The following FAM117B variants were observed in gnomAD, a reference collection of about 807,000 sequenced individuals.
FAM117B encodes family with sequence similarity 117 member B.
In FAM117B, 22 loss-of-function variants were observed where a neutral mutation model predicts 52.8. That is an observed-to-expected ratio of 0.42 (90% CI 0.30 to 0.59). The LOEUF is 0.59. FAM117B is among the 20% of genes least tolerant of loss of function. FAM117B has a pLI of 0.22. For missense variants in FAM117B, 678 were observed against 802.6 expected (o/e 0.84, Z 1.88); for synonymous variants, 309 against 324.1 (o/e 0.95, Z 0.50).
chr2:202,744,341 G>C (rs577322307), intron 4 of FAM117B, among the ~76,000 whole-genome samples: 1 of 152,334 alleles, frequency 6.6e-6, no homozygotes, highest in Admixed American at 6.5e-5. Flanking sequence ...AAGAGAGATA[G>C]AGGCATGGTG....
chr2:202,660,997 G>A (rs888099627), intron 1 of FAM117B, among the ~76,000 whole-genome samples: 4 of 152,180 alleles, frequency 2.6e-5, no homozygotes, highest in African/African-American at 7.2e-5. Flanking sequence ...TAGTCCATTG[G>A]CCACAAAGAA....
At chr2:202,702,470 C>G (rs1195910707) in intron 2 of FAM117B, among the ~76,000 whole-genome samples, 1 of 152,192 alleles carries the variant, frequency 6.6e-6, no homozygotes, top group Non-Finnish European at 1.5e-5. Context: ...CAGCAGCCAT[C>G]ACCCTGATCA....
chr2:202,692,201 G>C (rs1262545004), intron 1 of FAM117B, among the ~76,000 whole-genome samples: 1 of 152,228 alleles, frequency 6.6e-6, no homozygotes, highest in East Asian at 1.9e-4. Flanking sequence ...CCATCTTATA[G>C]AACTAGAATA....
At chr2:202,640,115 C>G (rs574042887) in intron 1 of FAM117B, among the ~76,000 whole-genome samples, 1 of 151,040 alleles carries the variant, frequency 6.6e-6, no homozygotes, top group African/African-American at 2.4e-5. Flanking sequence ...ACTAAAAATA[C>G]AAAAAATTAG....
rs1360538629 is a variant in FAM117B, at chr2:202,691,649, T to TTGTGTGTGTGTGTGTATG, written c.602-4217_602-4216insATGTGTGTGTGTGTGTGT. Among the ~76,000 whole-genome samples, 284 of 126,868 alleles carry TTGTGTGTGTGTGTGTATG rather than the reference T, an allele frequency of 2.2e-3. 2 individuals are homozygous for TTGTGTGTGTGTGTGTATG. The highest frequency in any genetic ancestry group is 3.4e-3 in the Non-Finnish European group (198 of 58,348). The allele number at this position is 126,868 out of a possible 152,430, so 83.2% of individuals were successfully genotyped here. A position where few individuals can be genotyped will look rare whatever the true frequency, so the allele number is the denominator to read the frequency against. ...TATAATGCATATATACCAGTTTACA[T>TTGTGTGTGTGTGTGTATG]TGTGTGTGTGTGTGTGTGTGTGTGT... is the stretch of plus-strand genomic sequence containing the variant. On this transcript the variant is annotated intron_variant, in intron 1 of 7. Coordinates refer to ENST00000392238, the MANE Select transcript of FAM117B (RefSeq NM_173511.4).
At chr2:202,720,764 A>T (rs1691140271) in intron 2 of FAM117B, among the ~76,000 whole-genome samples, 1 of 152,202 alleles carries the variant, frequency 6.6e-6, no homozygotes, top group Admixed American at 6.5e-5. Flanking sequence ...TTAAGTTTTT[A>T]AATGAATTAT....
At chr2:202,696,777 C>G (rs1234896628) in intron 2 of FAM117B, among the ~76,000 whole-genome samples, 1 of 152,220 alleles carries the variant, frequency 6.6e-6, no homozygotes, top group Admixed American at 6.5e-5. Flanking sequence ...CTCAAGAAAT[C>G]ATTCAGGGCC....
intron 1 of FAM117B, among the ~76,000 whole-genome samples, chr2:202,675,831 A>G (rs999401789): frequency 6.6e-6 from 1 of 151,940 alleles, no homozygotes; most frequent in African/African-American, 2.4e-5. Flanking sequence ...CTAAAAATAG[A>G]AGAATTAGCC....
chr2:202,759,909 C>T (rs759258935), intron 7 of FAM117B, among the ~76,000 whole-genome samples: 1 of 151,912 alleles, frequency 6.6e-6, no homozygotes, highest in Non-Finnish European at 1.5e-5. Flanking sequence ...CTGTGTTGTC[C>T]AGGCTGGTCC....
At chr2:202,678,745 A>G (rs563416577) in intron 1 of FAM117B, among the ~76,000 whole-genome samples, 2 of 152,088 alleles carry the variant, frequency 1.3e-5, no homozygotes, top group Non-Finnish European at 2.9e-5. Context: ...TTTAGTAGAG[A>G]CGGGGTTTCT....
intron 4 of FAM117B, among the ~76,000 whole-genome samples, chr2:202,729,484 A>G (rs1195887519): frequency 6.6e-6 from 1 of 152,204 alleles, no homozygotes; most frequent in East Asian, 1.9e-4. Flanking sequence ...CCCATACAAT[A>G]TTTATTAATC....
At chr2:202,699,426 C>CAAAAAAAAAAAAAAAAAAAAAAGA (rs1205403272) in intron 2 of FAM117B, among the ~76,000 whole-genome samples, 1 of 17,912 alleles carries the variant, frequency 5.6e-5, no homozygotes, top group Non-Finnish European at 1.1e-4. Flanking sequence ...GACCCCATCT[C>CAAAAAAAAAAAAAAAAAAAAAAGA]AAAAAAAAAA....
chr2:202,635,355 G>A lies in FAM117B; in HGVS notation c.168G>A (p.Arg56=), dbSNP rs1689661818. Residue 56 remains arginine, a synonymous_variant, in exon 1 of 8, where the codon CGG becomes CGA. Transcript: ENST00000392238. Reference sequence around the variant, plus strand: ...AGCAGCAACATGGCAGCCCCACGCGGAGCGGCGGCGGCGGCGGCGGCAACA... The same window carrying A: ...AGCAGCAACATGGCAGCCCCACGCGAAGCGGCGGCGGCGGCGGCGGCAACA... The part of the protein sequence containing the change: ...QQQQQHGSPT[R]SGGGGGGNNN... 2.9e-6 allele frequency: 4 copies of A among 1,377,104 alleles called. No homozygotes were observed. The highest frequency in any genetic ancestry group is 1.5e-5 in the African/African-American group (1 of 65,530). 85.3% of individuals were successfully genotyped at this position (1,377,104 alleles called of 1,614,324 possible). A position where few individuals can be genotyped will look rare whatever the true frequency, so the allele number is the denominator to read the frequency against.
chr2:202,697,013 G>T (rs1690721382), intron 2 of FAM117B, among the ~76,000 whole-genome samples: 1 of 152,172 alleles, frequency 6.6e-6, no homozygotes, highest in African/African-American at 2.4e-5. Flanking sequence ...AGGCTGCAGT[G>T]AGCAGTGATC....
At chr2:202,763,640 T>C (rs898605983) in intron 7 of FAM117B, among the ~76,000 whole-genome samples, 1 of 152,208 alleles carries the variant, frequency 6.6e-6, no homozygotes, top group Admixed American at 6.5e-5. Flanking sequence ...GTTGTTCTTA[T>C]CAGTAATATA....
Position 202,635,579 on chromosome 2 carries a change from C to T in FAM117B, c.392C>T (p.Pro131Leu). 8.1e-7 allele frequency: 1 copy of T among 1,241,344 alleles called. No homozygotes were observed. Among genetic ancestry groups the T allele is most frequent in the Non-Finnish European group, 1.0e-6 (1 of 998,578 alleles). The allele number at this position is 1,241,344 out of a possible 1,614,324, so 76.9% of individuals were successfully genotyped here. Reference protein sequence around the residue: ...RGTSPTRSAAPGARGSPPRPP... With the variant: ...RGTSPTRSAALGARGSPPRPP... ...ACCAGCCCCACGCGCAGCGCCGCGCCTGGAGCTCGCGGGAGCCCCCCACGG... is the reference window on the plus strand; with the variant it reads ...ACCAGCCCCACGCGCAGCGCCGCGCTTGGAGCTCGCGGGAGCCCCCCACGG... The change falls in exon 1 of 8, where the codon CCT (proline) becomes CTT (leucine). Residue 131 changes from proline to leucine, a missense_variant. Coordinates refer to ENST00000392238, the MANE Select transcript of FAM117B (RefSeq NM_173511.4).
chr2:202,738,583 T>G (rs1429278755), intron 4 of FAM117B, among the ~76,000 whole-genome samples: 2 of 152,148 alleles, frequency 1.3e-5, no homozygotes, highest in African/African-American at 4.8e-5. Flanking sequence ...GAATTGAAAA[T>G]TTCAAAAGAT....
intron 1 of FAM117B, among the ~76,000 whole-genome samples, chr2:202,636,943 A>C (rs1689695684): frequency 1.3e-5 from 2 of 152,254 alleles, no homozygotes; most frequent in Admixed American, 1.3e-4. Flanking sequence ...TCTGTTGCCC[A>C]GGCTGGAGTG....
At chr2:202,729,326 T>TC (rs1298686926) in intron 4 of FAM117B, among the ~76,000 whole-genome samples, 1 of 146,172 alleles carries the variant, frequency 6.8e-6, no homozygotes, top group East Asian at 2.0e-4. Flanking sequence ...AGAGTGAGAC[T>TC]CCATCTCAAA....
Sources: gnomAD v4.1 joint callset for allele counts (sites outside exome capture counted in the v4.1 genomes callset) on GRCh38, gnomAD v4.1.1 for gene constraint, MANE v1.5 for transcripts, NCBI Gene and HGNC (gene_info 2026-07-23, HGNC 2026-07-21) for gene names.